Variants in PTRH2 observed in about 807,000 individuals in gnomAD.
PTRH2 encodes the protein peptidyl-tRNA hydrolase 2, mitochondrial.
In PTRH2, 10 loss-of-function variants were observed where a neutral mutation model predicts 12.3. The ratio of observed to expected loss-of-function variants is 0.81; its 90% CI spans 0.50 to 1.38. The LOEUF is 1.38. Ranked by LOEUF, PTRH2 falls within the 40% of genes most tolerant of loss-of-function variation. PTRH2 has a pLI of 0.00. For missense variants in PTRH2, 176 were observed against 214.1 expected (o/e 0.82, Z 1.11); for synonymous variants, 73 against 77.4 (o/e 0.94, Z 0.30).
At chr17:59,705,972 G>A (rs1445172253) in intron 1 of PTRH2, among the ~76,000 whole-genome samples, 1 of 150,016 alleles carries the variant, frequency 6.7e-6, no homozygotes, top group Non-Finnish European at 1.5e-5. Flanking sequence ...AAGTTACCAA[G>A]TTTATTTATT....
chr17:59,704,080 T>C (rs2033601054), intron 1 of PTRH2, among the ~76,000 whole-genome samples: 1 of 151,966 alleles, frequency 6.6e-6, no homozygotes, highest in Non-Finnish European at 1.5e-5. Flanking sequence ...AGTGCTGGGA[T>C]TGCAGGCGTG....
rs199524996 is a variant in PTRH2 at position 59,697,905 on chromosome 17, C to T, written c.74G>A (p.Cys25Tyr). The change falls in exon 2 of 2, where the codon TGT becomes TAT. Residue 25 changes from cysteine to tyrosine, a missense_variant. Cys to Tyr is a radical substitution (Grantham distance 194). Transcript: ENST00000393038. ...STLGLAVGVACGMCLGWSLRV... is the reference protein window; with the variant it reads ...STLGLAVGVAYGMCLGWSLRV... The stretch of plus-strand genomic sequence containing the variant: ...AAGGCTCCAGCCCAGGCACATGCCA[C>T]AAGCAACTCCAACAGCCAAGCCGAG... The T allele has an allele frequency of 4.3e-6, 7 of 1,614,104 alleles. No individual in the cohort carries two copies. The Admixed American group carries it at 1.0e-4, about 23-fold the overall frequency.
chr17:59,698,856 TG>T (rs1470996283), intron 1 of PTRH2: 1 of 715,952 alleles, frequency 1.4e-6, no homozygotes, highest in South Asian at 1.5e-5. Flanking sequence ...AAACAATGGT[TG>T]TATGGGTACT....
chr17:59,699,138 G>C, intron 1 of PTRH2: 1 of 325,980 alleles, frequency 3.1e-6, no homozygotes, highest in East Asian at 4.7e-5. Flanking sequence ...GCAAGCAAGA[G>C]CATCCTGTAT....
At chr17:59,700,430 A>T (rs1450808677) in intron 1 of PTRH2, 1 of 152,232 alleles carries the variant, frequency 6.6e-6, no homozygotes, top group Non-Finnish European at 1.5e-5. Context: ...TTTGTAATGT[A>T]AAGTGGTGCC....
In PTRH2 at chr17:59,697,955, C is replaced by T. The variant is rs1311993634; in HGVS notation, c.24G>A (p.Met8Ile). The T allele has an allele frequency of 6.2e-7, 1 of 1,613,164 alleles. No homozygotes were observed. The highest frequency in any genetic ancestry group is 1.3e-5 in the African/African-American group (1 of 75,034). ...GTGTACTGGGATGAGCCAAATATTC[C>T]ATAACCAAGGATTTGGAGGGCATCT... MPSKSLV[M>I]EYLAHPSTLG... Residue 8 changes from methionine to isoleucine, a missense_variant, in exon 2 of 2, where the codon ATG becomes ATA. By Grantham distance (10) the Met-to-Ile change is conservative. Transcript: ENST00000393038.
At position 59,704,706 on chromosome 17, in the gene PTRH2, A is replaced by G. The variant is rs557452451; in HGVS notation, c.-1+2665T>C. Among the ~76,000 whole-genome samples, 6 of 152,338 alleles carry G rather than the reference A, an allele frequency of 3.9e-5. No homozygotes were observed. The South Asian group carries it at 1.2e-3, about 32-fold the overall frequency. ...TGCTCTTCCACTCAAGTGCCTAAATACGGTGACAGGGCTGCACAGACATAG... is the reference window on the plus strand; with the variant it reads ...TGCTCTTCCACTCAAGTGCCTAAATGCGGTGACAGGGCTGCACAGACATAG... On this transcript the variant is annotated intron_variant, in intron 1 of 1. Transcript: ENST00000393038.
chr17:59,702,178 G>C (rs912306516), intron 1 of PTRH2, among the ~76,000 whole-genome samples: 34 of 152,252 alleles, frequency 2.2e-4, no homozygotes, highest in African/African-American at 8.2e-4. Flanking sequence ...CATACACCCT[G>C]TTAAGCTGAG....
intron 1 of PTRH2, chr17:59,699,055 T>C: frequency 1.7e-6 from 1 of 578,686 alleles, no homozygotes; most frequent in Non-Finnish European, 3.1e-6. Context: ...GCAAGCATAG[T>C]GTTGTTCTTC....
chr17:59,699,338 A>T (rs895613675), intron 1 of PTRH2: 27 of 161,142 alleles, frequency 1.7e-4, no homozygotes, highest in Admixed American at 1.6e-3. Context: ...TCAGCTCCTT[A>T]TTGCAAAGAT....
intron 1 of PTRH2, among the ~76,000 whole-genome samples, chr17:59,701,859 A>ATTTTTTTT (rs999977067): frequency 1.5e-5 from 2 of 134,126 alleles, no homozygotes; most frequent in African/African-American, 2.8e-5. Flanking sequence ...CACCCGGCTA[A>ATTTTTTTT]TTTTTTTTTT....
rs1327388080 is a variant in PTRH2 at position 59,697,427 on chromosome 17, A to G, written c.*12T>C. The G allele has an allele frequency of 6.3e-7, 1 of 1,596,082 alleles. No individual in the cohort carries two copies. Among genetic ancestry groups the G allele is most frequent in the Non-Finnish European group, 8.6e-7 (1 of 1,167,834 alleles). ...CTTGTGATGGAGGGGTTGTTGTCAT[A>G]TCAAAGTCCACCTAGTAAAGTTTTA... is the stretch of plus-strand genomic sequence containing the variant. On this transcript the variant is annotated 3_prime_UTR_variant, in exon 2 of 2. Transcript: ENST00000393038.
intron 1 of PTRH2, chr17:59,699,715 GCTT>G (rs2033521839): frequency 1.3e-5 from 2 of 152,982 alleles, no homozygotes; most frequent in African/African-American, 4.8e-5. Context: ...TCACTGATTT[GCTT>G]CTTATCCCTT....
At chr17:59,705,053 G>T (rs1279358661) in intron 1 of PTRH2, among the ~76,000 whole-genome samples, 1 of 152,304 alleles carries the variant, frequency 6.6e-6, no homozygotes, top group Middle Eastern at 3.4e-3. Context: ...CTCCCAAAGT[G>T]CTGGGATACA....
At chr17:59,698,902 C>T in intron 1 of PTRH2, 2 of 715,944 alleles carry the variant, frequency 2.8e-6, no homozygotes, top group Non-Finnish European at 5.2e-6. Context: ...GCACAGTGGT[C>T]CTGAAAAATG....
intron 1 of PTRH2, chr17:59,699,031 T>A: frequency 1.6e-6 from 1 of 611,304 alleles, no homozygotes; most frequent in South Asian, 2.0e-5. Flanking sequence ...ACATCAACAC[T>A]AGTTGATGGT....
chr17:59,699,024 T>C (rs2033505969), intron 1 of PTRH2: 1 of 623,014 alleles, frequency 1.6e-6, no homozygotes, highest in South Asian at 1.9e-5. Context: ...CATTGGGACA[T>C]CAACACTAGT....
chr17:59,703,120 T>G (rs1453725326), intron 1 of PTRH2, among the ~76,000 whole-genome samples: 2 of 151,908 alleles, frequency 1.3e-5, no homozygotes, highest in East Asian at 3.9e-4. Flanking sequence ...GCTCAAGCAA[T>G]CCTCCCACTT....
At chr17:59,705,940 A>G (rs1215518081) in intron 1 of PTRH2, among the ~76,000 whole-genome samples, 1 of 152,058 alleles carries the variant, frequency 6.6e-6, no homozygotes, top group East Asian at 1.9e-4. Context: ...TAAGATCAAA[A>G]ACAGGACAGT....
Sources: allele counts gnomAD v4.1 joint callset (sites outside exome capture counted in the v4.1 genomes callset), GRCh38; gene constraint gnomAD v4.1.1; transcripts MANE v1.5; gene names NCBI Gene and HGNC (gene_info 2026-07-23, HGNC 2026-07-21).